Variants in SOX6 observed in about 807,000 individuals in gnomAD.
SOX6 encodes the protein SRY-box transcription factor 6.
In SOX6, 11 loss-of-function variants were observed where a neutral mutation model predicts 97.8. That is an observed-to-expected ratio of 0.11 (90% CI 0.07 to 0.19). SOX6 has a LOEUF of 0.19. Among genes scored for constraint, SOX6 ranks in the 10% least tolerant of loss-of-function variants. SOX6 has a pLI of 1.00. For synonymous variants in SOX6, 360 were observed against 371.4 expected (o/e 0.97, Z 0.35); for missense variants, 810 against 1,039.5 (o/e 0.78, Z 3.04).
chr11:16,483,019 A>C (rs1306869842), intron 4 of SOX6, among the ~76,000 whole-genome samples: 1 of 152,202 alleles, frequency 6.6e-6, no homozygotes, highest in African/African-American at 2.4e-5. Context: ...TGCAAATGTC[A>C]ATACAGTGAA....
chr11:16,471,199 G>A (rs1860136096), intron 1 of SOX6, among the ~76,000 whole-genome samples: 1 of 151,296 alleles, frequency 6.6e-6, no homozygotes. Flanking sequence ...ATAAGAACAT[G>A]CAAAATAAGG....
At chr11:16,701,400 C>A (rs1299639021) in intron 3 of SOX6, among the ~76,000 whole-genome samples, 2 of 152,030 alleles carry the variant, frequency 1.3e-5, no homozygotes, top group Non-Finnish European at 2.9e-5. Flanking sequence ...AGAAAAAGTA[C>A]TTAATAAGCA....
At chr11:16,075,051 C>G (rs1452905758) in intron 9 of SOX6, among the ~76,000 whole-genome samples, 1 of 151,996 alleles carries the variant, frequency 6.6e-6, no homozygotes, top group Non-Finnish European at 1.5e-5. Context: ...ACCAATGGAA[C>G]AGAATATAGA....
At chr11:16,061,553 C>A (rs980853686) in intron 9 of SOX6, among the ~76,000 whole-genome samples, 62 of 151,596 alleles carry the variant, frequency 4.1e-4, no homozygotes, top group African/African-American at 1.4e-3. Context: ...TCCTAAAATT[C>A]ATATGCAACC....
chr11:16,228,977 A>G lies in SOX6; in HGVS notation c.535+5605T>C, dbSNP rs371829967. Among the ~76,000 whole-genome samples, 20 of 152,296 alleles carry G rather than the reference A, an allele frequency of 1.3e-4. No individual in the cohort carries two copies. In the East Asian group the frequency reaches 3.9e-3, roughly 29 times the overall value. On this transcript the variant is annotated intron_variant, in intron 4 of 15. Transcript: ENST00000683767. ...TAAGTAAAATCTAAAAGGGAAAATAATAATCTATTATTTCTTAAATATGTA... is the reference window on the plus strand; with the variant it reads ...TAAGTAAAATCTAAAAGGGAAAATAGTAATCTATTATTTCTTAAATATGTA...
intron 1 of SOX6, among the ~76,000 whole-genome samples, chr11:16,392,212 A>G (rs1858206111): frequency 6.6e-6 from 1 of 152,188 alleles, no homozygotes; most frequent in African/African-American, 2.4e-5. Flanking sequence ...AAGGATACAA[A>G]GAAAATTGAA....
chr11:16,248,379 C>T (rs948039495), intron 3 of SOX6, among the ~76,000 whole-genome samples: 1 of 152,188 alleles, frequency 6.6e-6, no homozygotes, highest in African/African-American at 2.4e-5. Context: ...TCCAATCCCA[C>T]ATTTTCCTTC....
intron 3 of SOX6, among the ~76,000 whole-genome samples, chr11:16,273,980 A>T (rs1036409581): frequency 6.6e-6 from 1 of 152,150 alleles, no homozygotes; most frequent in Non-Finnish European, 1.5e-5. Flanking sequence ...AAACCTAAAC[A>T]ATGCAAAAGT....
intron 7 of SOX6, among the ~76,000 whole-genome samples, chr11:16,111,128 T>C (rs544869852): frequency 2.0e-5 from 3 of 152,318 alleles, no homozygotes; most frequent in Middle Eastern, 3.4e-3. Flanking sequence ...AAAGCCCTGT[T>C]TACAAGGAGG....
At chr11:16,319,886 T>C (rs1056277433) in intron 2 of SOX6, among the ~76,000 whole-genome samples, 1 of 151,826 alleles carries the variant, frequency 6.6e-6, no homozygotes, top group African/African-American at 2.4e-5. Context: ...TATCCTCAGA[T>C]GAGAAATATT....
At chr11:16,388,813 A>G (rs968047560) in intron 1 of SOX6, among the ~76,000 whole-genome samples, 26 of 152,030 alleles carry the variant, frequency 1.7e-4, no homozygotes, top group African/African-American at 6.3e-4. Context: ...TCTTGTTTCC[A>G]GCAATTTGAC....
intron 5 of SOX6, 90 bp downstream of exon 5, chr11:16,186,693 C>T: frequency 7.1e-7 from 1 of 1,410,556 alleles, no homozygotes; most frequent in Non-Finnish European, 1.0e-6. Context: ...TTTAGGAAAG[C>T]TTACAACAAA....
chr11:16,360,510 C>T (rs934741048), upstream of SOX6, among the ~76,000 whole-genome samples: 14 of 152,072 alleles, frequency 9.2e-5, no homozygotes, highest in Non-Finnish European at 1.5e-4. Context: ...GTTCCATATC[C>T]CCAGTCAACT....
At chr11:16,505,314 T>C (rs1860768301) in intron 4 of SOX6, among the ~76,000 whole-genome samples, 1 of 152,160 alleles carries the variant, frequency 6.6e-6, no homozygotes, top group South Asian at 2.1e-4. Flanking sequence ...CTGGTGGCAT[T>C]TTGCCCCTGC....
At chr11:16,284,858 T>G (rs1346606804) in intron 3 of SOX6, among the ~76,000 whole-genome samples, 1 of 152,182 alleles carries the variant, frequency 6.6e-6, no homozygotes, top group Non-Finnish European at 1.5e-5. Flanking sequence ...TGTGCTCATT[T>G]AATCTGCTTG....
chr11:16,025,799 T>A (rs1855201116), intron 12 of SOX6, among the ~76,000 whole-genome samples: 1 of 152,186 alleles, frequency 6.6e-6, no homozygotes, highest in African/African-American at 2.4e-5. Context: ...GTATTTGTTT[T>A]AATTTATGAT....
At chr11:16,159,756 C>T (rs1850695955) in intron 6 of SOX6, among the ~76,000 whole-genome samples, 1 of 152,128 alleles carries the variant, frequency 6.6e-6, no homozygotes, top group Admixed American at 6.6e-5. Flanking sequence ...CATTTATTGG[C>T]TTGCAGAACA....
intron 4 of SOX6, among the ~76,000 whole-genome samples, chr11:16,578,334 A>C (rs1231765958): frequency 6.6e-6 from 1 of 152,152 alleles, no homozygotes; most frequent in Non-Finnish European, 1.5e-5. Context: ...TAATCATTCA[A>C]ATTGCATGTA....
chr11:16,503,921 T>C (rs1479631654), intron 4 of SOX6, among the ~76,000 whole-genome samples: 1 of 151,986 alleles, frequency 6.6e-6, no homozygotes. Context: ...TGGGTGCCTG[T>C]AGTCCCAGCT....
Sources: gnomAD v4.1 joint callset for allele counts (sites outside exome capture counted in the v4.1 genomes callset) on GRCh38, gnomAD v4.1.1 for gene constraint, MANE v1.5 for transcripts, NCBI Gene and HGNC (gene_info 2026-07-23, HGNC 2026-07-21) for gene names.